Variants in MAML2 observed in about 807,000 individuals in gnomAD.
The protein encoded by MAML2 is mastermind like transcriptional coactivator 2.
In MAML2, 22 loss-of-function variants were observed where a neutral mutation model predicts 96.1. The observed-to-expected ratio is 0.23, with a 90% CI of 0.16 to 0.33. MAML2 has a LOEUF of 0.33. MAML2 is among the 10% of genes least tolerant of loss of function. The pLI, the probability that MAML2 is intolerant of heterozygous loss-of-function variation, is 1.00. For synonymous variants in MAML2, 561 were observed against 521.3 expected (o/e 1.08, Z -1.04); for missense variants, 1,367 against 1,392.4 (o/e 0.98, Z 0.29).
chr11:96,206,012 A>G (rs1861890257), intron 1 of MAML2, among the ~76,000 whole-genome samples: 1 of 152,130 alleles, frequency 6.6e-6, no homozygotes, highest in Admixed American at 6.5e-5. Context: ...TTTGGTAAAA[A>G]TGATGCCTTA....
chr11:96,092,168 CTGCTGTTGCTGT>C lies in MAML2; in HGVS notation c.1851_1862del (p.Gln618_Gln621del), dbSNP rs749502756. 6.5e-6 allele frequency: 10 copies of C among 1,544,132 alleles called. No individual in the cohort carries two copies. The highest frequency in any genetic ancestry group is 4.8e-5 in the South Asian group (4 of 83,238). ...GCTGTTGTTGAGCTGAAATTGAACTCTGCTGTTGCTGTTGCTGTTGCTGTTGCTGCTGCTGCT... is the reference window on the plus strand; with the variant it reads ...GCTGTTGTTGAGCTGAAATTGAACTCTGCTGTTGCTGTTGCTGCTGCTGCT... On this transcript the variant is annotated inframe_deletion, in exon 2 of 5. Transcript: ENST00000524717. The surrounding 1 kb of genome is among the most constrained non-coding windows in gnomAD (Gnocchi z 4.1).
chr11:95,990,115 A>G (rs1857887430), intron 3 of MAML2, among the ~76,000 whole-genome samples: 1 of 152,148 alleles, frequency 6.6e-6, no homozygotes, highest in African/African-American at 2.4e-5. Context: ...GCTGGATTTA[A>G]TCTTTCTTTC....
intron 1 of MAML2, among the ~76,000 whole-genome samples, chr11:96,178,911 C>G (rs1861437557): frequency 6.6e-6 from 1 of 152,138 alleles, no homozygotes; most frequent in South Asian, 2.1e-4. Flanking sequence ...TTGCAGAATT[C>G]TAATTTTGAC....
chr11:96,073,293 C>G (rs909681386), intron 2 of MAML2, among the ~76,000 whole-genome samples: 2 of 150,808 alleles, frequency 1.3e-5, no homozygotes, highest in African/African-American at 4.9e-5. Context: ...ATTAGAATTC[C>G]TTGTTGCAGA....
At chr11:96,027,967 A>G (rs1368782775) in intron 2 of MAML2, among the ~76,000 whole-genome samples, 1 of 152,084 alleles carries the variant, frequency 6.6e-6, no homozygotes, top group Non-Finnish European at 1.5e-5. Flanking sequence ...CCTGAGCTCA[A>G]GTGATCTGCC....
intron 1 of MAML2, among the ~76,000 whole-genome samples, chr11:96,239,997 G>C (rs530659856): frequency 1.3e-5 from 2 of 152,054 alleles, no homozygotes; most frequent in African/African-American, 4.8e-5. Context: ...TTTCTTATAG[G>C]CTTCATAGGC....
At position 96,147,704 on chromosome 11, in the gene MAML2, T is replaced by G. The variant is rs190882704; in HGVS notation, c.514-54187A>C. ...TGGCTAAAACCCTTCTTGGGCAAAT[T>G]TTGCACCAAAGTAAACTGGTTATAA... On this transcript the variant is annotated intron_variant, in intron 1 of 4. Transcript: ENST00000524717. Among the ~76,000 whole-genome samples the G allele has an allele frequency of 5.3e-5, 8 of 152,358 alleles. 1 individual carries two copies. The East Asian group carries it at 1.5e-3, about 29-fold the overall frequency.
At chr11:96,104,975 C>A (rs1859999399) in intron 1 of MAML2, among the ~76,000 whole-genome samples, 1 of 152,152 alleles carries the variant, frequency 6.6e-6, no homozygotes, top group African/African-American at 2.4e-5. Context: ...TCCCAATTTT[C>A]TTTTTTGCTT....
At chr11:96,052,033 C>G (rs1323632842) in intron 2 of MAML2, among the ~76,000 whole-genome samples, 1 of 152,188 alleles carries the variant, frequency 6.6e-6, no homozygotes, top group Non-Finnish European at 1.5e-5. Flanking sequence ...CCTGTCATGT[C>G]TTAAACACTC....
chr11:96,054,222 T>G (rs550718651), intron 2 of MAML2, among the ~76,000 whole-genome samples: 1 of 152,330 alleles, frequency 6.6e-6, no homozygotes, highest in African/African-American at 2.4e-5. Flanking sequence ...GTCCTGATTC[T>G]AAGTAGTAAC....
intron 1 of MAML2, among the ~76,000 whole-genome samples, chr11:96,333,437 A>G (rs1205910027): frequency 1.3e-5 from 2 of 151,724 alleles, no homozygotes; most frequent in Non-Finnish European, 2.9e-5. Flanking sequence ...AATATAATCT[A>G]CTAAAGAATG....
At chr11:96,125,583 G>A (rs1420111231) in intron 1 of MAML2, among the ~76,000 whole-genome samples, 1 of 152,296 alleles carries the variant, frequency 6.6e-6, no homozygotes, top group Non-Finnish European at 1.5e-5. Context: ...CACATATTAC[G>A]AAATCCTACG....
At chr11:96,074,563 T>A (rs1376683677) in intron 2 of MAML2, among the ~76,000 whole-genome samples, 1 of 152,226 alleles carries the variant, frequency 6.6e-6, no homozygotes, top group Non-Finnish European at 1.5e-5. Flanking sequence ...CCACATTTTG[T>A]GCAGATGACG....
intron 1 of MAML2, among the ~76,000 whole-genome samples, chr11:96,149,585 A>C (rs1396523527): frequency 6.6e-6 from 1 of 151,930 alleles, no homozygotes; most frequent in Non-Finnish European, 1.5e-5. Flanking sequence ...TACAAGAATT[A>C]GCCGGGCATG....
At chr11:96,136,396 A>C (rs982215812) in intron 1 of MAML2, among the ~76,000 whole-genome samples, 1 of 151,336 alleles carries the variant, frequency 6.6e-6, no homozygotes, top group Non-Finnish European at 1.5e-5. Context: ...ATATTTAAAG[A>C]TGTTGTTGAT....
chr11:96,161,316 G>T (rs1048440851), intron 1 of MAML2, among the ~76,000 whole-genome samples: 2 of 152,218 alleles, frequency 1.3e-5, no homozygotes, highest in Non-Finnish European at 2.9e-5. Context: ...TGAGGGAAAA[G>T]TTCCTTTAGA....
At chr11:96,028,838 A>G (rs904524991) in intron 2 of MAML2, among the ~76,000 whole-genome samples, 4 of 152,334 alleles carry the variant, frequency 2.6e-5, no homozygotes, top group African/African-American at 7.2e-5. Context: ...CCTGAAACAC[A>G]TAATAATTTT....
intron 1 of MAML2, among the ~76,000 whole-genome samples, chr11:96,129,191 G>A (rs1380369729): frequency 1.6e-4 from 24 of 152,052 alleles, no homozygotes; most frequent in Non-Finnish European, 5.9e-5. Flanking sequence ...CTGAAAAATG[G>A]CACCCCACCT....
intron 1 of MAML2, among the ~76,000 whole-genome samples, chr11:96,165,379 T>A (rs570804911): frequency 6.6e-6 from 1 of 152,314 alleles, no homozygotes; most frequent in African/African-American, 2.4e-5. Flanking sequence ...TTGATGGTGT[T>A]GGTCTGGCAA....
Sources: allele counts gnomAD v4.1 joint callset (sites outside exome capture counted in the v4.1 genomes callset), GRCh38; gene constraint gnomAD v4.1.1; non-coding constraint Gnocchi (gnomAD v3.1); transcripts MANE v1.5; gene names NCBI Gene and HGNC (gene_info 2026-07-23, HGNC 2026-07-21).